Variants in CLDN16 observed in about 807,000 individuals in gnomAD.
CLDN16 encodes the protein claudin 16.
Under a neutral mutation model 24.6 loss-of-function variants are expected in CLDN16, and 13 were observed. The ratio of observed to expected loss-of-function variants is 0.53; its 90% CI spans 0.34 to 0.84. The LOEUF (loss-of-function observed/expected upper bound fraction) is 0.84, where lower values mean the gene tolerates loss of function less well. Among genes scored for constraint, CLDN16 ranks in the 40% least tolerant of loss-of-function variants. CLDN16 has a pLI of 0.01. For missense variants in CLDN16, 298 were observed against 292.7 expected (o/e 1.02, Z -0.13); for synonymous variants, 116 against 106.7 (o/e 1.09, Z -0.54).
chr3:190,388,563 A>G lies in CLDN16; in HGVS notation c.114+120A>G, dbSNP rs1491992. The G allele has an allele frequency of 0.2, 168,078 of 830,328 alleles. 19,249 individuals are homozygous for G. Among genetic ancestry groups the G allele is most frequent in the Middle Eastern group, 0.27 (973 of 3,620 alleles). 51.4% of individuals were successfully genotyped at this position (830,328 alleles called of 1,614,324 possible). A position where few individuals can be genotyped will look rare whatever the true frequency, so the allele number is the denominator to read the frequency against. ...GCTAATGATACCAAAAATAGGCAAC[A>G]TGGACTATTTATTGAGTCTTTACAT... On this transcript the variant is annotated intron_variant, in intron 1 of 4. Coordinates refer to ENST00000264734, the MANE Select transcript of CLDN16 (RefSeq NM_006580.4).
chr3:190,321,976 G>A, upstream of CLDN16: 1 of 1,610,988 alleles, frequency 6.2e-7, no homozygotes, highest in Non-Finnish European at 8.5e-7. Flanking sequence ...AGGTGGGGGT[G>A]CACTCACTGC....
intron 1 of CLDN16, among the ~76,000 whole-genome samples, chr3:190,333,556 A>G (rs1577398472): frequency 7.8e-6 from 1 of 128,738 alleles, no homozygotes; most frequent in East Asian, 2.6e-4. Context: ...CTATCTATCT[A>G]TCTATCTATC....
chr3:190,306,808 G>A, the CLDN16 span: 4 of 152,962 alleles, frequency 2.6e-5, no homozygotes, highest in African/African-American at 4.8e-5. Flanking sequence ...TAGACTGGTA[G>A]AGAGAGGAAG....
intron 2 of CLDN16, among the ~76,000 whole-genome samples, chr3:190,371,750 C>T (rs1209532931): frequency 6.6e-6 from 1 of 151,884 alleles, no homozygotes; most frequent in African/African-American, 2.4e-5. Context: ...AATATTCTGT[C>T]CAATTCAACT....
At chr3:190,380,576 A>G (rs1718349991) in intron 3 of CLDN16, among the ~76,000 whole-genome samples, 2 of 152,104 alleles carry the variant, frequency 1.3e-5, no homozygotes, top group South Asian at 4.1e-4. Context: ...ATGAGATCTA[A>G]TTAAACTAAA....
rs59060697 is a variant in CLDN16 at position 190,373,843 on chromosome 3, TAAA to T, written n.231-674_231-672del. On this transcript the variant is annotated intron_variant and non_coding_transcript_variant, in intron 2 of 4. Transcript: ENST00000468220. ...TAAATTGCCTATAATGTGCCCATAT[TAAA>T]AAAAAAAAAAGAAAACAGATCAGTA... Among the ~76,000 whole-genome samples the T allele has an allele frequency of 7.8e-4, 116 of 149,344 alleles. 1 individual carries two copies. The highest frequency in any genetic ancestry group is 3.4e-3 in the Middle Eastern group (1 of 290).
chr3:190,322,412 A>C, upstream of CLDN16: 1 of 600,204 alleles, frequency 1.7e-6, no homozygotes, highest in Non-Finnish European at 3.0e-6. Flanking sequence ...TGGATACTAG[A>C]AGCTGCGGTT....
At chr3:190,368,059 C>A (rs960255584) in intron 1 of CLDN16, among the ~76,000 whole-genome samples, 2 of 151,926 alleles carry the variant, frequency 1.3e-5, no homozygotes, top group African/African-American at 4.8e-5. Context: ...CTGTGGCAGG[C>A]AGCCTTTAAG....
the CLDN16 span, among the ~76,000 whole-genome samples, chr3:190,291,684 A>C: frequency 6.6e-6 from 1 of 152,170 alleles, no homozygotes; most frequent in Admixed American, 6.5e-5. Context: ...AGACAAGTCA[A>C]GTCCCTTCCA....
intron 1 of CLDN16, 36 bp from the exon 2 acceptor site, chr3:190,402,301 T>C (rs2108670481): frequency 6.7e-7 from 1 of 1,492,600 alleles, no homozygotes; most frequent in Non-Finnish European, 9.4e-7. Context: ...TGTGCCTGCA[T>C]GAATTGTTTC....
At chr3:190,359,187 A>G (rs1041946650) in intron 1 of CLDN16, among the ~76,000 whole-genome samples, 12 of 152,082 alleles carry the variant, frequency 7.9e-5, no homozygotes, top group African/African-American at 2.7e-4. Flanking sequence ...TGCAACTGCA[A>G]TCTTGTTTGC....
chr3:190,320,094 CT>C (rs149311405), upstream of CLDN16, among the ~76,000 whole-genome samples: 6,153 of 152,144 alleles, frequency 0.04, 144 homozygotes, highest in South Asian at 0.081. Flanking sequence ...GTATTTAGTC[CT>C]TTCACCCTAG....
chr3:190,407,876 T>C (rs1036830791), intron 3 of CLDN16, among the ~76,000 whole-genome samples: 1 of 152,354 alleles, frequency 6.6e-6, no homozygotes, highest in East Asian at 1.9e-4. Context: ...TTAAATACAA[T>C]GATATTTACT....
chr3:190,367,972 C>T (rs948951766), intron 1 of CLDN16, among the ~76,000 whole-genome samples: 1 of 151,912 alleles, frequency 6.6e-6, no homozygotes, highest in Non-Finnish European at 1.5e-5. Flanking sequence ...CCAGAAATCT[C>T]TGTAATCTGA....
At chr3:190,362,900 A>T (rs181657460) in intron 1 of CLDN16, among the ~76,000 whole-genome samples, 159 of 151,914 alleles carry the variant, frequency 1.0e-3, no homozygotes, top group Non-Finnish European at 6.0e-4. Context: ...CTCTTTTAAG[A>T]TGCTCACCTT....
chr3:190,389,535 C>T (rs1718597232), intron 1 of CLDN16, among the ~76,000 whole-genome samples: 1 of 152,078 alleles, frequency 6.6e-6, no homozygotes, highest in Non-Finnish European at 1.5e-5. Flanking sequence ...CTTTTTCTTG[C>T]TTTTAATTTG....
intron 2 of CLDN16, 86 bp from the exon 3 acceptor site, chr3:190,404,676 C>T: frequency 7.5e-7 from 1 of 1,335,052 alleles, no homozygotes; most frequent in Non-Finnish European, 1.1e-6. Context: ...ATGTTACCTA[C>T]TTGTCTGTTT....
intron 1 of CLDN16, among the ~76,000 whole-genome samples, chr3:190,355,238 C>G (rs2108637824): frequency 6.6e-6 from 1 of 151,976 alleles, no homozygotes; most frequent in East Asian, 1.9e-4. Context: ...CGTGGCTAGA[C>G]TAAGAATCAT....
chr3:190,390,549 A>AAGAAGT (rs1718624074), intron 1 of CLDN16, among the ~76,000 whole-genome samples: 1 of 152,118 alleles, frequency 6.6e-6, no homozygotes, highest in African/African-American at 2.4e-5. Flanking sequence ...GAAGAAGAAG[A>AAGAAGT]AGAAGAACCC....
Sources: allele counts gnomAD v4.1 joint callset (sites outside exome capture counted in the v4.1 genomes callset), GRCh38; gene constraint gnomAD v4.1.1; transcripts MANE v1.5; gene names NCBI Gene and HGNC (gene_info 2026-07-23, HGNC 2026-07-21).